SEC63: variants seen among roughly 807,000 people sequenced by gnomAD.
SEC63 encodes translocation protein SEC63 homolog.
SEC63 carries 56 observed loss-of-function variants against 116.2 expected under a neutral mutation model. That is an observed-to-expected ratio of 0.48 (90% confidence interval 0.39 to 0.60). SEC63 has a LOEUF of 0.60. SEC63 is among the 20% of genes least tolerant of loss of function. The pLI is 0.00. For missense variants in SEC63, 668 were observed against 900.0 expected (o/e 0.74, Z 3.30); for synonymous variants, 273 against 294.6 (o/e 0.93, Z 0.75).
At chr6:107,914,976 C>T (rs1216514863) in intron 4 of SEC63, among the ~76,000 whole-genome samples, 4 of 152,150 alleles carry the variant, frequency 2.6e-5, no homozygotes, top group South Asian at 2.1e-4. Flanking sequence ...TCTACAACTG[C>T]TGTGTGATGG....
intron 1 of SEC63, among the ~76,000 whole-genome samples, chr6:107,953,000 C>A (rs1770611414): frequency 6.6e-6 from 1 of 152,152 alleles, no homozygotes; most frequent in Non-Finnish European, 1.5e-5. Context: ...TGGCTCACGC[C>A]TGTAATCCCA....
At chr6:107,922,993 T>TC (rs1787592988) in intron 3 of SEC63, among the ~76,000 whole-genome samples, 1 of 149,884 alleles carries the variant, frequency 6.7e-6, no homozygotes, top group Admixed American at 6.6e-5. Context: ...CCTCATTTTC[T>TC]TTAAAAAAAA....
chr6:107,909,085 AG>A, intron 7 of SEC63, 50 bp from the exon 8 acceptor site: 1 of 1,284,654 alleles, frequency 7.8e-7, no homozygotes, highest in Non-Finnish European at 1.1e-6. Context: ...AAACTACGAT[AG>A]GCTGGGCGAG....
intron 1 of SEC63, 26 bp downstream of exon 1, chr6:107,957,860 C>A (rs1335086873): frequency 6.2e-7 from 1 of 1,600,034 alleles, no homozygotes; most frequent in Non-Finnish European, 8.5e-7. Context: ...TGCGCGGGTT[C>A]GCGGGCAAAG....
intron 1 of SEC63, chr6:107,954,676 A>G (rs1770672769): frequency 6.6e-6 from 1 of 152,170 alleles, no homozygotes; most frequent in African/African-American, 2.4e-5. Context: ...ATTATTTTGC[A>G]GCAAACTTCT....
At chr6:107,928,125 T>C (rs979078496) in intron 2 of SEC63, among the ~76,000 whole-genome samples, 1 of 152,142 alleles carries the variant, frequency 6.6e-6, no homozygotes, top group Non-Finnish European at 1.5e-5. Flanking sequence ...ACTTTGCCTT[T>C]AGTTTCACAT....
chr6:107,876,424 G>T, intron 19 of SEC63, 140 bp downstream of exon 19: 1 of 637,778 alleles, frequency 1.6e-6, no homozygotes, highest in Non-Finnish European at 2.8e-6. Flanking sequence ...CCAAAATAGA[G>T]AACAGTTACA....
chr6:107,950,278 T>C (rs1770551895), intron 1 of SEC63, among the ~76,000 whole-genome samples: 1 of 152,268 alleles, frequency 6.6e-6, no homozygotes, highest in African/African-American at 2.4e-5. Context: ...AAATGTACAA[T>C]GCAAAAACCA....
At position 107,957,887 on chromosome 6, in the gene SEC63, G is replaced by T; in HGVS notation, c.123C>A (p.Ala41=). ...TYYLWPRDQN[A]EQIRLKNIRK... is the part of the protein sequence containing the mutation. ...CGGGCAAAGGCCGGCGGGACTCACC[G>T]GCATTCTGATCTCGGGGCCAGAGGT... Residue 41 remains alanine (A), a splice_region_variant and synonymous_variant, in exon 1 of 21, where the codon GCC becomes GCA. Transcript: ENST00000369002. 1 of 1,611,496 alleles carries T rather than the reference G, an allele frequency of 6.2e-7. No homozygotes were observed. Among genetic ancestry groups the T allele is most frequent in the Non-Finnish European group, 8.5e-7 (1 of 1,178,812 alleles).
intron 1 of SEC63, among the ~76,000 whole-genome samples, chr6:107,947,288 C>G (rs1354311342): frequency 1.3e-5 from 2 of 151,790 alleles, no homozygotes; most frequent in Admixed American, 1.3e-4. Context: ...CAGAGTGAGA[C>G]CCTGTCTCAA....
intron 1 of SEC63, chr6:107,954,482 C>CAAAAAAAAAAAAAAAAAAAAAA (rs4028832): frequency 1.7e-5 from 2 of 116,868 alleles, no homozygotes; most frequent in Non-Finnish European, 1.6e-5. Context: ...AAAAAAAAAT[C>CAAAAAAAAAAAAAAAAAAAAAA]AAAAAAAAAA....
At position 107,904,691 on chromosome 6, in the gene SEC63, G is replaced by A. The variant is rs770486264; in HGVS notation, c.992C>T (p.Ala331Val). 1.2e-6 allele frequency: 2 copies of A among 1,613,724 alleles called. No individual in the cohort carries two copies. Among genetic ancestry groups the A allele is most frequent in the Admixed American group, 3.3e-5 (2 of 60,008 alleles). Reference protein sequence around the residue: ...DQQFMLKKCPALLQEMVNVIC... With the variant: ...DQQFMLKKCPVLLQEMVNVIC... Reference sequence around the variant, plus strand: ...TACATTAACCATTTCTTGAAGTAGGGCAGGACACTTTTTTAGCATGAATTG... The same window carrying A: ...TACATTAACCATTTCTTGAAGTAGGACAGGACACTTTTTTAGCATGAATTG... The change falls in exon 11 of 21, where the codon GCC becomes GTC. Residue 331 changes from alanine to valine, a missense_variant. Ala to Val is a moderately conservative substitution (Grantham distance 64, BLOSUM62 0). Coordinates refer to ENST00000369002, the MANE Select transcript of SEC63 (RefSeq NM_007214.5).
At chr6:107,898,256 CAA>C (rs10602741) in intron 13 of SEC63, among the ~76,000 whole-genome samples, 6,020 of 135,136 alleles carry the variant, frequency 0.045, 367 homozygotes, top group African/African-American at 0.15. Flanking sequence ...GACCCCATCT[CAA>C]AAAAAAAAAA....
chr6:107,911,818 G>A (rs1787290146), intron 6 of SEC63, among the ~76,000 whole-genome samples: 1 of 152,178 alleles, frequency 6.6e-6, no homozygotes, highest in African/African-American at 2.4e-5. Flanking sequence ...CAACCTCTCA[G>A]TAGTTAGTGC....
chr6:107,890,605 G>A (rs571207514), intron 16 of SEC63, among the ~76,000 whole-genome samples: 12 of 152,238 alleles, frequency 7.9e-5, no homozygotes, highest in African/African-American at 2.9e-4. Flanking sequence ...ATTTGATCCT[G>A]CCATTATGAT....
chr6:107,953,184 C>G (rs1204244620), intron 1 of SEC63, among the ~76,000 whole-genome samples: 5 of 152,018 alleles, frequency 3.3e-5, no homozygotes, highest in Admixed American at 3.3e-4. Context: ...CGTTTGAACA[C>G]GGGAAGCAGA....
chr6:107,951,996 G>A lies in SEC63; in HGVS notation c.124+5890C>T, dbSNP rs368067618. Among the ~76,000 whole-genome samples the A allele has an allele frequency of 8.0e-5, 12 of 150,632 alleles. No individual in the cohort carries two copies. In the East Asian group the frequency reaches 1.4e-3, roughly 17 times the overall value. Reference sequence around the variant, plus strand: ...TCAAAAAAAAAAAAAAAAAGTTCCCGAAGTGATTCTAATGTGTAGCCAGGG... The same window carrying A: ...TCAAAAAAAAAAAAAAAAAGTTCCCAAAGTGATTCTAATGTGTAGCCAGGG... On this transcript the variant is annotated intron_variant, in intron 1 of 20. Transcript: ENST00000369002.
intron 1 of SEC63, among the ~76,000 whole-genome samples, chr6:107,953,491 C>T (rs1583783488): frequency 6.8e-6 from 1 of 147,030 alleles, no homozygotes; most frequent in African/African-American, 2.5e-5. Context: ...AGCCCCTCTG[C>T]CCGGCCAGCC....
intron 13 of SEC63, among the ~76,000 whole-genome samples, chr6:107,899,281 C>T (rs1786940716): frequency 6.6e-6 from 1 of 152,162 alleles, no homozygotes; most frequent in Non-Finnish European, 1.5e-5. Context: ...CATAATTAGG[C>T]AGCACTGTAA....
Sources: allele counts gnomAD v4.1 joint callset (sites outside exome capture counted in the v4.1 genomes callset), GRCh38; gene constraint gnomAD v4.1.1; transcripts MANE v1.5; gene names NCBI Gene and HGNC (gene_info 2026-07-23, HGNC 2026-07-21).